Variants in SLC35F4 observed in about 807,000 individuals in gnomAD.
SLC35F4 encodes solute carrier family 35 member F4, also known as chromosome 14 open reading frame 36.
In SLC35F4, 24 loss-of-function variants were observed where a neutral mutation model predicts 44.2. That is an observed-to-expected ratio of 0.54 (90% confidence interval 0.39 to 0.76). The LOEUF (loss-of-function observed/expected upper bound fraction) is 0.76. Ranked by LOEUF, SLC35F4 falls within the 30% of genes least tolerant of loss-of-function variation. The pLI is 0.00. For synonymous variants in SLC35F4, 238 were observed against 223.6 expected (o/e 1.06, Z -0.57); for missense variants, 562 against 586.1 (o/e 0.96, Z 0.42).
At chr14:57,944,155 G>A (rs150064816) in intron 1 of SLC35F4, among the ~76,000 whole-genome samples, 28 of 152,162 alleles carry the variant, frequency 1.8e-4, no homozygotes, top group Middle Eastern at 3.4e-3. Context: ...TGATTTTTCC[G>A]AAGTCATTCC....
chr14:57,926,332 T>C (rs10047874), intron 1 of SLC35F4, among the ~76,000 whole-genome samples: 1 of 152,154 alleles, frequency 6.6e-6, no homozygotes, highest in Non-Finnish European at 1.5e-5. Context: ...CTATGGTTTT[T>C]TTAGAAAGTT....
intron 1 of SLC35F4, among the ~76,000 whole-genome samples, chr14:57,890,353 T>C (rs1566922635): frequency 6.6e-6 from 1 of 152,228 alleles, no homozygotes; most frequent in Non-Finnish European, 1.5e-5. Flanking sequence ...AAGCTTGTTG[T>C]AAGCTTCTGA....
chr14:57,710,750 T>A (rs2075798478), intron 1 of SLC35F4, among the ~76,000 whole-genome samples: 1 of 152,132 alleles, frequency 6.6e-6, no homozygotes, highest in African/African-American at 2.4e-5. Context: ...TGGACTCACA[T>A]GGGTCCTGTA....
At chr14:57,573,463 G>A (rs548457514) in intron 4 of SLC35F4, among the ~76,000 whole-genome samples, 28 of 152,246 alleles carry the variant, frequency 1.8e-4, no homozygotes, top group African/African-American at 6.7e-4. Context: ...TGTGTGTTCT[G>A]GTTAGACTTG....
intron 1 of SLC35F4, among the ~76,000 whole-genome samples, chr14:57,955,885 A>G (rs756696469): frequency 4.6e-5 from 7 of 152,226 alleles, no homozygotes; most frequent in African/African-American, 1.7e-4. Flanking sequence ...TTATAGATTC[A>G]ATGCTATACT....
chr14:57,645,411 G>T (rs535678132), intron 1 of SLC35F4, among the ~76,000 whole-genome samples: 1 of 152,008 alleles, frequency 6.6e-6, no homozygotes, highest in African/African-American at 2.4e-5. Flanking sequence ...CTCATGATTT[G>T]GCTCTCTGTT....
chr14:57,820,545 A>G (rs1447526934), intron 1 of SLC35F4, among the ~76,000 whole-genome samples: 4 of 152,212 alleles, frequency 2.6e-5, no homozygotes, highest in Non-Finnish European at 5.9e-5. Context: ...TCAGTAATTA[A>G]TGTTTTCTTC....
intron 2 of SLC35F4, among the ~76,000 whole-genome samples, chr14:57,593,055 C>T (rs917497385): frequency 6.6e-6 from 1 of 152,136 alleles, no homozygotes; most frequent in Non-Finnish European, 1.5e-5. Context: ...GGTAGAAAGA[C>T]AATCATACCA....
At chr14:57,587,162 A>T (rs867055056) in intron 3 of SLC35F4, among the ~76,000 whole-genome samples, 1 of 152,224 alleles carries the variant, frequency 6.6e-6, no homozygotes. Context: ...GAATGCTTCT[A>T]CACTGTTGGT....
intron 1 of SLC35F4, among the ~76,000 whole-genome samples, chr14:57,645,951 C>A (rs904712579): frequency 6.6e-6 from 1 of 152,156 alleles, no homozygotes; most frequent in Non-Finnish European, 1.5e-5. Flanking sequence ...GTTGAACCAG[C>A]CTTGCATCCC....
intron 1 of SLC35F4, among the ~76,000 whole-genome samples, chr14:57,880,025 GAAAGGAGGGAGGAAGGAAGGAAGGA>G (rs1476241706): frequency 7.7e-6 from 1 of 129,252 alleles, no homozygotes; most frequent in African/African-American, 3.2e-5. Context: ...GAAAGGAAAG[GAAAGGAGGGAGGAAGGAAGGAAGGA>G]AGGAAGGAAG....
chr14:57,797,929 T>C (rs1418552849), intron 1 of SLC35F4, among the ~76,000 whole-genome samples: 1 of 151,872 alleles, frequency 6.6e-6, no homozygotes, highest in Non-Finnish European at 1.5e-5. Flanking sequence ...AGTAGAGACA[T>C]AAAATGTGCT....
At chr14:57,944,931 A>T (rs893401871) in intron 1 of SLC35F4, among the ~76,000 whole-genome samples, 1 of 152,154 alleles carries the variant, frequency 6.6e-6, no homozygotes. Context: ...CACACAAAAA[A>T]TACTCCTGTA....
intron 1 of SLC35F4, among the ~76,000 whole-genome samples, chr14:57,805,498 C>T (rs1881206423): frequency 6.6e-6 from 1 of 152,148 alleles, no homozygotes; most frequent in Non-Finnish European, 1.5e-5. Flanking sequence ...AAGCCATTAT[C>T]CTCAGCAAAC....
chr14:57,808,461 G>C (rs557291234), intron 1 of SLC35F4, among the ~76,000 whole-genome samples: 1 of 151,840 alleles, frequency 6.6e-6, no homozygotes, highest in South Asian at 2.1e-4. Context: ...ACTCACACCT[G>C]GAAATTCTAT....
At chr14:57,612,125 C>G (rs2071546540) in intron 1 of SLC35F4, among the ~76,000 whole-genome samples, 1 of 152,168 alleles carries the variant, frequency 6.6e-6, no homozygotes, top group East Asian at 1.9e-4. Flanking sequence ...GTGGTTCACA[C>G]CTATAACCCC....
intron 1 of SLC35F4, among the ~76,000 whole-genome samples, chr14:57,749,918 C>T (rs769124256): frequency 3.3e-5 from 5 of 152,108 alleles, no homozygotes; most frequent in Admixed American, 6.6e-5. Context: ...AATTTATATA[C>T]ATTTATGGGA....
At position 57,880,327 on chromosome 14, in the gene SLC35F4, A is replaced by C. The variant is rs562912439; in HGVS notation, n.282+101586T>G. 2.6e-5 allele frequency among the ~76,000 whole-genome samples: 4 copies of C among 152,286 alleles called. No individual in the cohort carries two copies. In the East Asian group the frequency reaches 7.7e-4, roughly 29 times the overall value. ...AAACTGGATATGATATATGGGTGGA[A>C]TAAGGACTGAGGGCTTCTCCTCAAC... is the stretch of plus-strand genomic sequence containing the variant. On this transcript the variant is annotated intron_variant and non_coding_transcript_variant, in intron 1 of 1. Coordinates refer to the SLC35F4 transcript ENST00000556568.
At chr14:57,576,144 C>T (rs978561118) in intron 4 of SLC35F4, among the ~76,000 whole-genome samples, 1 of 152,142 alleles carries the variant, frequency 6.6e-6, no homozygotes, top group Non-Finnish European at 1.5e-5. Flanking sequence ...ATTTGCATAA[C>T]AGTACCAGCT....
Sources: allele counts gnomAD v4.1 joint callset (sites outside exome capture counted in the v4.1 genomes callset), GRCh38; gene constraint gnomAD v4.1.1; transcripts MANE v1.5; gene names NCBI Gene and HGNC (gene_info 2026-07-23, HGNC 2026-07-21).